RBM26: variants seen among roughly 807,000 people sequenced by gnomAD.
RBM26 encodes RNA binding motif protein 26, also known as RNA-binding protein 26.
In RBM26, 30 loss-of-function variants were observed where a neutral mutation model predicts 123.6. The observed-to-expected ratio is 0.24, with a 90% CI of 0.18 to 0.33. The LOEUF is 0.33. Among genes scored for constraint, RBM26 ranks in the 10% least tolerant of loss-of-function variants. The pLI, the probability that RBM26 is intolerant of heterozygous loss-of-function variation, is 1.00. For missense variants in RBM26, 947 were observed against 1,203.6 expected (o/e 0.79, Z 3.15); for synonymous variants, 400 against 404.4 (o/e 0.99, Z 0.13).
At chr13:79,395,613 G>T (rs974561495) in intron 1 of RBM26, among the ~76,000 whole-genome samples, 3 of 151,962 alleles carry the variant, frequency 2.0e-5, no homozygotes, top group Non-Finnish European at 4.4e-5. Flanking sequence ...AATTAGCTGG[G>T]TGTGGTGGTG....
intron 20 of RBM26, among the ~76,000 whole-genome samples, chr13:79,328,249 T>C (rs1306588933): frequency 6.6e-6 from 1 of 152,088 alleles, no homozygotes; most frequent in Non-Finnish European, 1.5e-5. Flanking sequence ...CTACTGAGTT[T>C]AGAAAGCTAG....
chr13:79,331,635 CAA>C (rs774555503), intron 20 of RBM26, among the ~76,000 whole-genome samples: 55 of 124,090 alleles, frequency 4.4e-4, no homozygotes, highest in African/African-American at 1.3e-3. Context: ...GACTCCGCCT[CAA>C]AAAAAAAAAA....
At position 79,355,361 on chromosome 13, in the gene RBM26, T is replaced by C. The variant is rs755494773; in HGVS notation, c.1713A>G (p.Glu571=). The change falls in exon 12 of 22, where the codon GAA becomes GAG. Residue 571 remains glutamate, a synonymous_variant. Coordinates refer to ENST00000438737, the MANE Select transcript of RBM26 (RefSeq NM_001366735.2). ...ATGTTGCAAATTGGATTAGGGCACC[T>C]TCAGGATCACCATTATAAGCAACCT... ...NLQVAYNGDP[E]GALIQFATYE... 1.2e-6 allele frequency: 2 copies of C among 1,613,608 alleles called. No individual in the cohort carries two copies. The highest frequency in any genetic ancestry group is 2.2e-5 in the South Asian group (2 of 91,062).
At position 79,368,181 on chromosome 13, in the gene RBM26, C is replaced by T. The variant is rs12854182; in HGVS notation, c.895+549G>A. Among the ~76,000 whole-genome samples, 1,021 of 152,164 alleles carry T rather than the reference C, an allele frequency of 6.7e-3. 8 individuals are homozygous for T. Among genetic ancestry groups the T allele is most frequent in the Non-Finnish European group, 0.011 (749 of 67,994 alleles). ...CTGGGACTACAGGCGCCAGCCACCA[C>T]GCCCAGCTAATTTGTTGTATTTTTA... On this transcript the variant is annotated intron_variant, in intron 6 of 21. Transcript: ENST00000438737.
rs2067544121 is a variant in RBM26 at position 79,320,518 on chromosome 13, C to T, written c.*103G>A. 1 of 1,270,310 alleles carries T rather than the reference C, an allele frequency of 7.9e-7. No individual in the cohort carries two copies. The highest frequency in any genetic ancestry group is 1.0e-6 in the Non-Finnish European group (1 of 1,000,002). The allele number at this position is 1,270,310 out of a possible 1,614,324, so 78.7% of individuals were successfully genotyped here. On this transcript the variant is annotated 3_prime_UTR_variant, in exon 22 of 22. Coordinates refer to ENST00000438737, the MANE Select transcript of RBM26 (RefSeq NM_001366735.2). ...CTATTTGTGAAATCCATCTTCATCA[C>T]ATTTTACCAAAAATTGTTTTTACAA...
intron 1 of RBM26, among the ~76,000 whole-genome samples, chr13:79,394,582 G>C (rs1030326882): frequency 7.9e-5 from 12 of 152,062 alleles, no homozygotes; most frequent in African/African-American, 2.2e-4. Context: ...AGACCTTCAA[G>C]GTCATATTTG....
intron 3 of RBM26, among the ~76,000 whole-genome samples, chr13:79,373,458 TATATA>T: frequency 3.6e-5 from 1 of 27,428 alleles, no homozygotes; most frequent in South Asian, 9.9e-4. Flanking sequence ...TATATAAATA[TATATA>T]ATATGTATAA....
In RBM26 at chr13:79,371,871, G is replaced by C; in HGVS notation, c.387C>G (p.Pro129=). Residue 129 remains proline, a synonymous_variant, in exon 4 of 22, where the codon CCC becomes CCG. Transcript: ENST00000438737. The part of the protein sequence containing the change: ...KFSRRLNHSP[P]QSSSRYRENR... ...TTTCCCTGTATCGGGAGCTTGACTGGGGAGGACTGTGATTTAGCCTTCTAG... is the reference window on the plus strand; with the variant it reads ...TTTCCCTGTATCGGGAGCTTGACTGCGGAGGACTGTGATTTAGCCTTCTAG... 2.5e-6 allele frequency: 4 copies of C among 1,612,502 alleles called. No homozygotes were observed. Among genetic ancestry groups the C allele is most frequent in the Non-Finnish European group, 3.4e-6 (4 of 1,178,748 alleles).
intron 17 of RBM26, 146 bp from the exon 18 acceptor site, chr13:79,341,373 C>T (rs999460658): frequency 2.1e-6 from 1 of 478,310 alleles, no homozygotes; most frequent in Non-Finnish European, 3.7e-6. Flanking sequence ...CCAAAATACT[C>T]CACACCTCCA....
At chr13:79,393,757 C>T (rs1207438271) in intron 1 of RBM26, among the ~76,000 whole-genome samples, 3 of 152,130 alleles carry the variant, frequency 2.0e-5, no homozygotes, top group Non-Finnish European at 4.4e-5. Flanking sequence ...GGGTCTGCAC[C>T]GAGTGGACCT....
intron 10 of RBM26, among the ~76,000 whole-genome samples, chr13:79,359,114 C>T (rs1157919555): frequency 6.6e-6 from 1 of 152,140 alleles, no homozygotes; most frequent in African/African-American, 2.4e-5. Flanking sequence ...TGATTCCTTA[C>T]CCCTTTATCT....
At chr13:79,324,942 C>T (rs1449914716) in intron 20 of RBM26, among the ~76,000 whole-genome samples, 1 of 151,928 alleles carries the variant, frequency 6.6e-6, no homozygotes, top group Non-Finnish European at 1.5e-5. Flanking sequence ...CCATTAAAAT[C>T]CTCATAAAGT....
At position 79,373,524 on chromosome 13, in the gene RBM26, T is replaced by C. The variant is rs1201248173; in HGVS notation, c.328-1594A>G. 7.5e-5 allele frequency among the ~76,000 whole-genome samples: 2 copies of C among 26,566 alleles called. 1 individual carries two copies. Among genetic ancestry groups the C allele is most frequent in the East Asian group, 8.8e-4 (2 of 2,278 alleles). The allele number at this position is 26,566 out of a possible 152,430, so 17.4% of individuals were successfully genotyped here. ...AAATATACTTATTTATATATATTAC[T>C]ATATATATTTATATAATATATTTAT... On this transcript the variant is annotated intron_variant, in intron 3 of 21. Transcript: ENST00000438737.
chr13:79,341,348 T>A (rs2071341589), intron 17 of RBM26, 121 bp from the exon 18 acceptor site: 1 of 591,006 alleles, frequency 1.7e-6, no homozygotes, highest in African/African-American at 1.9e-5. Flanking sequence ...TCCAGTATAA[T>A]CACTCTAATC....
chr13:79,397,574 CG>C (rs1566602164), intron 1 of RBM26, among the ~76,000 whole-genome samples: 1 of 146,424 alleles, frequency 6.8e-6, no homozygotes, highest in African/African-American at 2.5e-5. Flanking sequence ...CTCAGTTACT[CG>C]GAAGACTGAG....
At chr13:79,374,476 G>T (rs2076467743) in intron 3 of RBM26, among the ~76,000 whole-genome samples, 2 of 151,956 alleles carry the variant, frequency 1.3e-5, no homozygotes, top group South Asian at 4.1e-4. Flanking sequence ...AATAGACTAA[G>T]ACTCCGTCTC....
chr13:79,366,306 C>A, intron 7 of RBM26, 111 bp from the exon 8 acceptor site: 1 of 1,169,486 alleles, frequency 8.6e-7, no homozygotes, highest in Middle Eastern at 2.8e-4. Flanking sequence ...TCTACAAACA[C>A]CAAGCCCTTA....
At chr13:79,382,878 G>A (rs1369461378) in intron 1 of RBM26, among the ~76,000 whole-genome samples, 1 of 151,674 alleles carries the variant, frequency 6.6e-6, no homozygotes, top group Non-Finnish European at 1.5e-5. Context: ...AAATGACCAA[G>A]ATGGTAAATG....
intron 9 of RBM26, among the ~76,000 whole-genome samples, chr13:79,365,148 A>C (rs1274584257): frequency 6.6e-6 from 1 of 152,160 alleles, no homozygotes; most frequent in African/African-American, 2.4e-5. Flanking sequence ...GGAACAAACA[A>C]AATCGCCATC....
Sources: allele counts gnomAD v4.1 joint callset (sites outside exome capture counted in the v4.1 genomes callset), GRCh38; gene constraint gnomAD v4.1.1; transcripts MANE v1.5; gene names NCBI Gene and HGNC (gene_info 2026-07-23, HGNC 2026-07-21).